EXT1: variants seen among roughly 807,000 people sequenced by gnomAD.
EXT1 encodes the protein exostosin glycosyltransferase 1.
EXT1 carries 20 observed loss-of-function variants against 82.5 expected under a neutral mutation model. The ratio of observed to expected loss-of-function variants is 0.24; its 90% CI spans 0.17 to 0.35. The LOEUF is 0.35. Ranked by LOEUF, EXT1 falls within the 10% of genes least tolerant of loss-of-function variation. The pLI, the probability that EXT1 is intolerant of heterozygous loss-of-function variation, is 1.00. For synonymous variants in EXT1, 348 were observed against 350.8 expected (o/e 0.99, Z 0.09); for missense variants, 757 against 936.5 (o/e 0.81, Z 2.50).
chr8:118,061,579 A>G (rs956227882), intron 1 of EXT1, among the ~76,000 whole-genome samples: 2 of 152,206 alleles, frequency 1.3e-5, no homozygotes, highest in African/African-American at 4.8e-5. Flanking sequence ...AAAAAGGTAA[A>G]TTCTCCCATG....
At chr8:117,858,795 CA>C (rs1563582092) in intron 1 of EXT1, among the ~76,000 whole-genome samples, 982 of 69,362 alleles carry the variant, frequency 0.014, 147 homozygotes, top group African/African-American at 0.071. Flanking sequence ...GCAGGCAAGG[CA>C]AGGCAAGGCA....
At chr8:118,092,754 G>A (rs1445280785) in intron 1 of EXT1, among the ~76,000 whole-genome samples, 1 of 152,192 alleles carries the variant, frequency 6.6e-6, no homozygotes, top group Admixed American at 6.5e-5. Context: ...ACAAGCACCT[G>A]ATGATGAGGC....
intron 1 of EXT1, among the ~76,000 whole-genome samples, chr8:117,925,705 C>CAAAAAAAAAAAAAAAAAAA (rs3049788): frequency 2.0e-5 from 2 of 98,628 alleles, no homozygotes; most frequent in African/African-American, 7.5e-5. Context: ...CCTGTCTCTA[C>CAAAAAAAAAAAAAAAAAAA]AAAAAAAAAA....
chr8:118,072,445 T>A (rs1032623579), intron 1 of EXT1, among the ~76,000 whole-genome samples: 1 of 152,228 alleles, frequency 6.6e-6, no homozygotes, highest in African/African-American at 2.4e-5. Flanking sequence ...TGCCTTACAT[T>A]GTTGCCTAAT....
chr8:118,032,082 C>T (rs1816331895), intron 1 of EXT1, among the ~76,000 whole-genome samples: 1 of 146,008 alleles, frequency 6.8e-6, no homozygotes, highest in South Asian at 2.3e-4. Context: ...AATGCCAAGT[C>T]GTTAAGGTTG....
chr8:118,095,779 T>C (rs777738739), intron 1 of EXT1, among the ~76,000 whole-genome samples: 3 of 152,224 alleles, frequency 2.0e-5, no homozygotes, highest in Non-Finnish European at 4.4e-5. Flanking sequence ...TGAATCAATT[T>C]TTAAGACCCA....
At chr8:117,819,944 C>A (rs1246770737) in intron 5 of EXT1, 150 bp from the exon 6 acceptor site, 7 of 755,760 alleles carry the variant, frequency 9.3e-6, no homozygotes, top group Non-Finnish European at 1.5e-5. Flanking sequence ...AGGACAGAAA[C>A]AAGATGAAAA....
chr8:118,049,011 C>T (rs112512867), intron 1 of EXT1, among the ~76,000 whole-genome samples: 4 of 152,254 alleles, frequency 2.6e-5, no homozygotes, highest in African/African-American at 7.2e-5. Context: ...CCCACTCCCC[C>T]CAGAAGAAAT....
At chr8:117,942,465 AC>A (rs1439312036) in intron 1 of EXT1, among the ~76,000 whole-genome samples, 1 of 152,156 alleles carries the variant, frequency 6.6e-6, no homozygotes, top group Non-Finnish European at 1.5e-5. Flanking sequence ...TAAACCTAGG[AC>A]TTTGGGAGGC....
chr8:117,828,483 T>A (rs1812043745), intron 4 of EXT1, among the ~76,000 whole-genome samples: 1 of 151,246 alleles, frequency 6.6e-6, no homozygotes, highest in African/African-American at 2.4e-5. Flanking sequence ...CATTCCAGCC[T>A]GGTGACAGAG....
chr8:117,840,049 A>C (rs1394722521), intron 1 of EXT1, among the ~76,000 whole-genome samples: 1 of 152,168 alleles, frequency 6.6e-6, no homozygotes, highest in East Asian at 1.9e-4. Flanking sequence ...TCCCCAGCAA[A>C]ACAGCAATTT....
At chr8:117,868,942 C>A (rs1197574323) in intron 1 of EXT1, among the ~76,000 whole-genome samples, 5 of 152,210 alleles carry the variant, frequency 3.3e-5, no homozygotes, top group Admixed American at 6.5e-5. Flanking sequence ...CAGCCCTCAA[C>A]AGGCTGCCTC....
intron 1 of EXT1, among the ~76,000 whole-genome samples, chr8:117,918,110 T>G (rs1261370798): frequency 1.3e-5 from 2 of 152,186 alleles, no homozygotes; most frequent in Non-Finnish European, 2.9e-5. Context: ...AATGCAGCTT[T>G]AAACAGCACG....
intron 1 of EXT1, among the ~76,000 whole-genome samples, chr8:118,045,898 C>T (rs112871043): frequency 0.051 from 7,686 of 151,940 alleles, 618 homozygotes; most frequent in African/African-American, 0.18. Flanking sequence ...CAGGTTGAAG[C>T]GATTCTCATG....
chr8:117,964,763 G>T (rs183381287), intron 1 of EXT1, among the ~76,000 whole-genome samples: 1 of 152,020 alleles, frequency 6.6e-6, no homozygotes, highest in African/African-American at 2.4e-5. Flanking sequence ...TCAGCCTCCC[G>T]AGTAGCTAGG....
Position 117,798,419 on chromosome 8 carries a change from T to C in EXT1, c.*1293A>G, listed in dbSNP as rs1270763271. 2 of 152,102 alleles carry C rather than the reference T, an allele frequency of 1.3e-5. No individual in the cohort carries two copies. The highest frequency in any genetic ancestry group is 2.9e-5 in the Non-Finnish European group (2 of 68,020). The allele number at this position is 152,102 out of a possible 1,614,324, so 9.4% of individuals were successfully genotyped here. On this transcript the variant is annotated 3_prime_UTR_variant, in exon 11 of 11. Transcript: ENST00000378204. ...GTTAGGGATATGTTTTTTTTTTCAG[T>C]TTATACTTGGAGTTTAACAATAATC...
chr8:117,873,550 G>T (rs1364582288), intron 1 of EXT1, among the ~76,000 whole-genome samples: 1 of 150,524 alleles, frequency 6.6e-6, no homozygotes, highest in Non-Finnish European at 1.5e-5. Context: ...CTGCCTCCCG[G>T]GTTCAAGTGA....
intron 1 of EXT1, among the ~76,000 whole-genome samples, chr8:118,076,513 C>T (rs1817210995): frequency 6.6e-6 from 1 of 152,186 alleles, no homozygotes; most frequent in African/African-American, 2.4e-5. Flanking sequence ...TGTCTCAGCC[C>T]CTCTCCCCGT....
At chr8:117,956,451 TA>T (rs1032387882) in intron 1 of EXT1, among the ~76,000 whole-genome samples, 39 of 149,362 alleles carry the variant, frequency 2.6e-4, no homozygotes, top group Admixed American at 1.7e-3. Context: ...TCTTAAACTC[TA>T]AAAAAAAAAA....
Sources: allele counts gnomAD v4.1 joint callset (sites outside exome capture counted in the v4.1 genomes callset), GRCh38; gene constraint gnomAD v4.1.1; transcripts MANE v1.5; gene names NCBI Gene and HGNC (gene_info 2026-07-23, HGNC 2026-07-21).